Variants in RCAN2 observed in about 807,000 individuals in gnomAD.
RCAN2 encodes the protein regulator of calcineurin 2.
In RCAN2, 9 loss-of-function variants were observed where a neutral mutation model predicts 23.6. The ratio of observed to expected loss-of-function variants is 0.38; its 90% CI spans 0.23 to 0.67. RCAN2 has a LOEUF of 0.67. Ranked by LOEUF, RCAN2 falls within the 30% of genes least tolerant of loss-of-function variation. The probability of loss-of-function intolerance (pLI) is 0.51; values close to 1 mark genes in which losing one functional copy is unlikely to be tolerated. For synonymous variants in RCAN2, 109 were observed against 115.7 expected, an observed-to-expected ratio of 0.94 and a Z score of 0.37; for missense variants, 273 against 302.3, an observed-to-expected ratio of 0.90 and a Z score of 0.72.
intron 4 of RCAN2, among the ~76,000 whole-genome samples, chr6:46,243,063 ACTGAAGGAGCAACCT>A (rs1348107292): frequency 1.3e-5 from 2 of 152,178 alleles, no homozygotes; most frequent in African/African-American, 4.8e-5. Context: ...ACAGGAGGAG[ACTGAAGGAGCAACCT>A]CTTGCCTTGG....
chr6:46,370,733 G>T (rs1765301198), intron 2 of RCAN2, among the ~76,000 whole-genome samples: 1 of 152,176 alleles, frequency 6.6e-6, no homozygotes, highest in Non-Finnish European at 1.5e-5. Flanking sequence ...CTTCATTAAA[G>T]CCTCTTTGCT....
At chr6:46,426,494 T>C (rs1382333338) in intron 2 of RCAN2, among the ~76,000 whole-genome samples, 2 of 152,214 alleles carry the variant, frequency 1.3e-5, no homozygotes, top group Non-Finnish European at 2.9e-5. Flanking sequence ...CTAATCACTT[T>C]AATTAATCTG....
chr6:46,329,030 T>A (rs1451588650), intron 2 of RCAN2, among the ~76,000 whole-genome samples: 3 of 152,116 alleles, frequency 2.0e-5, no homozygotes, highest in Non-Finnish European at 4.4e-5. Flanking sequence ...ATTCTCCCAC[T>A]TCATCTCATA....
intron 2 of RCAN2, among the ~76,000 whole-genome samples, chr6:46,279,615 T>C (rs1767834220): frequency 1.3e-5 from 2 of 152,228 alleles, no homozygotes; most frequent in African/African-American, 4.8e-5. Flanking sequence ...GATCAAAGTA[T>C]TCTTCACACC....
In RCAN2 at chr6:46,261,455, A is replaced by C. The variant is rs557903707; in HGVS notation, c.226-12559T>G. Among the ~76,000 whole-genome samples the C allele has an allele frequency of 1.6e-4, 25 of 152,328 alleles. No homozygotes were observed. The South Asian group carries it at 5.0e-3, about 30-fold the overall frequency. ...GGCTGTTAAGTAAATTAGTATATTT[A>C]TATCACTTTAAAAGGTTGCTGAGCA... is the stretch of plus-strand genomic sequence containing the variant. On this transcript the variant is annotated intron_variant, in intron 2 of 4. Transcript: ENST00000371374.
chr6:46,346,876 A>T lies in RCAN2; in HGVS notation c.226-97980T>A, dbSNP rs527378645. ...TTTTATTTATTTATTTATTTTAATTAATTTATTTATTTATTTTGAGAGGGA... is the reference window on the plus strand; with the variant it reads ...TTTTATTTATTTATTTATTTTAATTTATTTATTTATTTATTTTGAGAGGGA... On this transcript the variant is annotated intron_variant, in intron 2 of 4. Transcript: ENST00000371374. Among the ~76,000 whole-genome samples the T allele has an allele frequency of 7.9e-5, 12 of 151,484 alleles. No homozygotes were observed. In the South Asian group the frequency reaches 1.0e-3, roughly 13 times the overall value.
intron 2 of RCAN2, among the ~76,000 whole-genome samples, chr6:46,345,138 A>G (rs9367242): frequency 0.42 from 64,001 of 151,820 alleles, 14,930 homozygotes; most frequent in East Asian, 0.6. Context: ...AGTAGACTTC[A>G]AGACAAAAAG....
intron 2 of RCAN2, among the ~76,000 whole-genome samples, chr6:46,442,196 T>C (rs1484133784): frequency 2.0e-5 from 3 of 152,246 alleles, no homozygotes; most frequent in Non-Finnish European, 4.4e-5. Context: ...CCCTGGGTTC[T>C]ATCTCTGAAA....
chr6:46,303,779 C>G (rs763123869), intron 2 of RCAN2, among the ~76,000 whole-genome samples: 2 of 152,038 alleles, frequency 1.3e-5, no homozygotes, highest in African/African-American at 2.4e-5. Flanking sequence ...TTCTTTTACT[C>G]TACATTTTGA....
At chr6:46,418,714 T>C (rs1335805330) in intron 2 of RCAN2, among the ~76,000 whole-genome samples, 1 of 139,484 alleles carries the variant, frequency 7.2e-6, no homozygotes, top group Non-Finnish European at 1.5e-5. Flanking sequence ...TATATATATA[T>C]ATATATATAT....
At chr6:46,393,478 CA>C (rs1765995049) in intron 2 of RCAN2, among the ~76,000 whole-genome samples, 2 of 152,124 alleles carry the variant, frequency 1.3e-5, no homozygotes, top group South Asian at 4.1e-4. Flanking sequence ...TCTTCTGTCC[CA>C]GGGGAAACGG....
At chr6:46,421,798 T>C (rs1766896162) in intron 2 of RCAN2, among the ~76,000 whole-genome samples, 1 of 152,170 alleles carries the variant, frequency 6.6e-6, no homozygotes, top group African/African-American at 2.4e-5. Context: ...GATCTTTATA[T>C]CCTTAGTACC....
chr6:46,286,093 AT>A (rs1243663980), intron 2 of RCAN2, among the ~76,000 whole-genome samples: 1 of 152,190 alleles, frequency 6.6e-6, no homozygotes, highest in Non-Finnish European at 1.5e-5. Flanking sequence ...CTCCTTACAT[AT>A]TTGAAGTGTG....
chr6:46,352,345 G>A (rs1349800690), intron 2 of RCAN2, among the ~76,000 whole-genome samples: 2 of 152,162 alleles, frequency 1.3e-5, no homozygotes, highest in Admixed American at 6.5e-5. Flanking sequence ...TAGCAAAGAG[G>A]AGGAAATGAT....
chr6:46,322,064 C>T (rs185499372), intron 2 of RCAN2, among the ~76,000 whole-genome samples: 2 of 152,282 alleles, frequency 1.3e-5, no homozygotes, highest in Non-Finnish European at 2.9e-5. Context: ...TAAAAGATCT[C>T]CAGGGGACAC....
intron 2 of RCAN2, among the ~76,000 whole-genome samples, chr6:46,299,527 C>T (rs1762836297): frequency 6.6e-6 from 1 of 152,016 alleles, no homozygotes; most frequent in African/African-American, 2.4e-5. Flanking sequence ...CCTGAGAATA[C>T]AGCTTTTCTT....
At chr6:46,351,320 C>G (rs1043181848) in intron 2 of RCAN2, among the ~76,000 whole-genome samples, 4 of 152,194 alleles carry the variant, frequency 2.6e-5, no homozygotes, top group African/African-American at 9.7e-5. Context: ...TTTGTGATAT[C>G]TGAGTTTTAA....
In RCAN2 at chr6:46,237,921, G is replaced by C. The variant is rs183198223; in HGVS notation, c.571+8827C>G. Among the ~76,000 whole-genome samples the C allele has an allele frequency of 9.1e-4, 139 of 152,300 alleles. No individual in the cohort carries two copies. The Middle Eastern group carries it at 0.017, about 19-fold the overall frequency. ...AATAGCACCATTTTGCCAACCATGT[G>C]AGTGAACCATCTTCATAGTTGACTT... is the stretch of plus-strand genomic sequence containing the variant. On this transcript the variant is annotated intron_variant, in intron 4 of 4. Coordinates refer to ENST00000371374, the MANE Select transcript of RCAN2 (RefSeq NM_001251974.2).
chr6:46,367,952 C>G (rs1024761571), intron 2 of RCAN2, among the ~76,000 whole-genome samples: 1 of 152,152 alleles, frequency 6.6e-6, no homozygotes, highest in Middle Eastern at 3.2e-3. Context: ...CTTGTCTCTA[C>G]TCTCTGCTCT....
Sources: allele counts gnomAD v4.1 joint callset (sites outside exome capture counted in the v4.1 genomes callset), GRCh38; gene constraint gnomAD v4.1.1; transcripts MANE v1.5; gene names NCBI Gene and HGNC (gene_info 2026-07-23, HGNC 2026-07-21).